PEAK1: variants seen among roughly 807,000 people sequenced by gnomAD.
PEAK1 encodes the protein pseudopodium enriched atypical kinase 1, also known as inactive tyrosine-protein kinase PEAK1.
A neutral mutation model predicts 124.7 loss-of-function variants in PEAK1; 54 were observed. The ratio of observed to expected loss-of-function variants is 0.43; its 90% CI spans 0.35 to 0.54. The LOEUF is 0.54. PEAK1 is among the 20% of genes least tolerant of loss of function. The pLI, the probability that PEAK1 is intolerant of heterozygous loss-of-function variation, is 0.01. For synonymous variants in PEAK1, 719 were observed against 760.0 expected, an observed-to-expected ratio of 0.95 and a Z score of 0.89; for missense variants, 2,046 against 2,134.5, an observed-to-expected ratio of 0.96 and a Z score of 0.82.
chr15:77,140,189 T>A (rs961308119), intron 8 of PEAK1, among the ~76,000 whole-genome samples: 1 of 152,180 alleles, frequency 6.6e-6, no homozygotes, highest in Admixed American at 6.5e-5. Flanking sequence ...TACCAATCCT[T>A]TGAAAACTTT....
rs749111187 is a variant in PEAK1 at position 77,181,218 on chromosome 15, C to T, written c.709G>A (p.Glu237Lys). The T allele has an allele frequency of 6.2e-7, 1 of 1,613,950 alleles. No homozygotes were observed. Among genetic ancestry groups the T allele is most frequent in the South Asian group, 1.1e-5 (1 of 91,076 alleles). Reference sequence around the variant, plus strand: ...ATGTTACTGAAAAGTACATCCTCTTCACTCTCCTCGCCACTGGAAAACTCT... The same window carrying T: ...ATGTTACTGAAAAGTACATCCTCTTTACTCTCCTCGCCACTGGAAAACTCT... ...YPEFSSGEES[E>K]EDVLFSNMEE... is the part of the protein sequence containing the mutation. The change falls in exon 7 of 10, where the codon GAA (glutamate) becomes AAA (lysine). Residue 237 changes from glutamate to lysine, a missense_variant. Transcript: ENST00000682557.
At chr15:77,118,478 T>C (rs1020523223) in intron 9 of PEAK1, among the ~76,000 whole-genome samples, 31 of 152,290 alleles carry the variant, frequency 2.0e-4, no homozygotes, top group African/African-American at 6.3e-4. Flanking sequence ...AGTTCAAAAG[T>C]TATTTCAGAA....
intron 1 of PEAK1, among the ~76,000 whole-genome samples, chr15:77,407,156 C>T (rs1347476508): frequency 2.6e-5 from 4 of 152,006 alleles, no homozygotes; most frequent in African/African-American, 9.7e-5. Context: ...GGACCTGAAA[C>T]GATAAAAATT....
At chr15:77,285,354 G>A (rs932051232) in intron 3 of PEAK1, among the ~76,000 whole-genome samples, 23 of 152,162 alleles carry the variant, frequency 1.5e-4, no homozygotes, top group Non-Finnish European at 1.8e-4. Context: ...TTGAGGAATA[G>A]AGAATACTCT....
chr15:77,365,819 C>T (rs2068195810), intron 1 of PEAK1, among the ~76,000 whole-genome samples: 1 of 148,416 alleles, frequency 6.7e-6, no homozygotes, highest in African/African-American at 2.5e-5. Context: ...CCTTCATCAA[C>T]TCAATTCTTC....
chr15:77,347,149 G>T (rs1023058635), intron 2 of PEAK1: 1 of 879,716 alleles, frequency 1.1e-6, no homozygotes, highest in Non-Finnish European at 1.4e-6. Context: ...GACAAAAGAA[G>T]GCCAGTGTAG....
Position 77,133,628 on chromosome 15 carries a change from G to A in PEAK1, c.3454C>T (p.Pro1152Ser). Reference protein sequence around the residue: ...QEAPNASQPTPPPLPKKMIIR... With the variant: ...QEAPNASQPTSPPLPKKMIIR... ...ATCATCTTCTTTGGCAGTGGGGGTG[G>A]TGTAGGTTGGGAAGCATTGGGTGCT... The change falls in exon 9 of 10, where the codon CCA becomes TCA. Residue 1152 changes from proline (P) to serine (S), a missense_variant. Coordinates refer to ENST00000682557, the MANE Select transcript of PEAK1 (RefSeq NM_001385026.1). The surrounding 1 kb of genome is among the most constrained non-coding windows in gnomAD (Gnocchi z 4.2). The A allele has an allele frequency of 6.2e-7, 1 of 1,614,180 alleles. No homozygotes were observed. Among genetic ancestry groups the A allele is most frequent in the Non-Finnish European group, 8.5e-7 (1 of 1,180,020 alleles).
intron 6 of PEAK1, among the ~76,000 whole-genome samples, chr15:77,193,710 G>T (rs2057962676): frequency 6.6e-6 from 1 of 152,078 alleles, no homozygotes; most frequent in Non-Finnish European, 1.5e-5. Context: ...AAGCTGAGGT[G>T]GGAGAATTGC....
intron 6 of PEAK1, among the ~76,000 whole-genome samples, chr15:77,230,870 C>T (rs1242891752): frequency 6.6e-6 from 1 of 151,828 alleles, no homozygotes; most frequent in Non-Finnish European, 1.5e-5. Flanking sequence ...AAACCAACCA[C>T]AAAAACCCAG....
chr15:77,114,173 T>C lies in PEAK1; in HGVS notation c.5224A>G (p.Ile1742Val). 1 of 1,613,922 alleles carries C rather than the reference T, an allele frequency of 6.2e-7. No homozygotes were observed. The highest frequency in any genetic ancestry group is 8.5e-7 in the Non-Finnish European group (1 of 1,179,798). Residue 1742 changes from isoleucine to valine, a missense_variant, in exon 10 of 10, where the codon ATT becomes GTT. By Grantham distance (29) the Ile-to-Val change is conservative (BLOSUM62 3). Coordinates refer to ENST00000682557, the MANE Select transcript of PEAK1 (RefSeq NM_001385026.1). Reference protein sequence around the residue: ...TTDSLSCIVKILQHR With the variant: ...TTDSLSCIVKVLQHR ...GGTACACATTAACGGTGCTGCAGAATTTTCACAATACAACTGAGGGAGTCT... is the reference window on the plus strand; with the variant it reads ...GGTACACATTAACGGTGCTGCAGAACTTTCACAATACAACTGAGGGAGTCT...
intron 2 of PEAK1, chr15:77,349,980 A>C (rs2067107763): frequency 1.0e-6 from 1 of 984,888 alleles, no homozygotes; most frequent in African/African-American, 1.7e-5. Context: ...AAAAAGGATC[A>C]AGCATTATAG....
intron 2 of PEAK1, among the ~76,000 whole-genome samples, chr15:77,310,062 A>G (rs2064345249): frequency 6.6e-6 from 1 of 152,204 alleles, no homozygotes; most frequent in Admixed American, 6.5e-5. Flanking sequence ...TCAGCTCACT[A>G]CATGGAAGGA....
chr15:77,414,149 CTTCCTTCCTTCTTTCTCT>C (rs2072647898), intron 1 of PEAK1, among the ~76,000 whole-genome samples: 2 of 120,998 alleles, frequency 1.7e-5, no homozygotes, highest in African/African-American at 5.7e-5. Flanking sequence ...TCTTTCTTTC[CTTCCTTCCTTCTTTCTCT>C]TTCCTTCCTT....
intron 1 of PEAK1, chr15:77,417,862 A>C: frequency 1.0e-6 from 1 of 985,412 alleles, no homozygotes; most frequent in Non-Finnish European, 1.2e-6. Flanking sequence ...TTATTTGGCA[A>C]ATATGGTTGG....
At chr15:77,214,031 T>G (rs1567123028) in intron 6 of PEAK1, among the ~76,000 whole-genome samples, 1 of 152,184 alleles carries the variant, frequency 6.6e-6, no homozygotes, top group Non-Finnish European at 1.5e-5. Context: ...AATTATATAC[T>G]ACATAGTAGT....
At chr15:77,187,929 G>A (rs924313136) in intron 6 of PEAK1, among the ~76,000 whole-genome samples, 5 of 152,098 alleles carry the variant, frequency 3.3e-5, no homozygotes, top group Admixed American at 2.6e-4. Flanking sequence ...CCATACCCAC[G>A]TCACTGTTCC....
In PEAK1 at chr15:77,293,169, A is replaced by G. The variant is rs1332421655; in HGVS notation, c.-602-6665T>C. ...TTATCTCCCCCTGCCTAAAACCACT[A>G]CTGTTATCACCAAATGCCTTTCTAA... On this transcript the variant is annotated intron_variant, in intron 2 of 9. Coordinates refer to ENST00000682557, the MANE Select transcript of PEAK1 (RefSeq NM_001385026.1). Among the ~76,000 whole-genome samples the G allele has an allele frequency of 1.6e-4, 24 of 152,118 alleles. 1 individual carries two copies. Among genetic ancestry groups the G allele is most frequent in the Non-Finnish European group, 3.4e-4 (23 of 68,014 alleles).
rs1262651023 is a variant in PEAK1 at position 77,181,471 on chromosome 15, C to T, written c.456G>A (p.Val152=). 6.2e-7 allele frequency: 1 copy of T among 1,614,170 alleles called. No homozygotes were observed. Among genetic ancestry groups the T allele is most frequent in the South Asian group, 1.1e-5 (1 of 91,082 alleles). ...TATCCAAGCCTGCTATCTCCTTTAA[C>T]ACTTCAGTTAGTCCATTATTGTTAT... ...MSDNNNGLTE[V]LKEIAGLDTA... Residue 152 remains valine, a synonymous_variant, in exon 7 of 10, where the codon GTG becomes GTA. Coordinates refer to ENST00000682557, the MANE Select transcript of PEAK1 (RefSeq NM_001385026.1).
At chr15:77,117,348 C>A (rs963589153) in intron 9 of PEAK1, among the ~76,000 whole-genome samples, 1 of 152,110 alleles carries the variant, frequency 6.6e-6, no homozygotes, top group Non-Finnish European at 1.5e-5. Flanking sequence ...TTAAAGGAGA[C>A]AATATGAAGA....
Sources: gnomAD v4.1 joint callset for allele counts (sites outside exome capture counted in the v4.1 genomes callset) on GRCh38, gnomAD v4.1.1 for gene constraint, Gnocchi (gnomAD v3.1) non-coding constraint, MANE v1.5 for transcripts, NCBI Gene and HGNC (gene_info 2026-07-23, HGNC 2026-07-21) for gene names.